CCDC192: variants seen among roughly 807,000 people sequenced by gnomAD.
CCDC192 encodes coiled-coil domain containing 192.
intron 2 of CCDC192, among the ~76,000 whole-genome samples, chr5:127,739,312 G>A (rs1356925019): frequency 9.9e-5 from 15 of 152,176 alleles, no homozygotes; most frequent in Non-Finnish European, 2.1e-4. Context: ...TGGGTGCTGG[G>A]AGAACCACTG....
chr5:127,721,795 A>C (rs1214910931), intron 2 of CCDC192, among the ~76,000 whole-genome samples: 1 of 152,206 alleles, frequency 6.6e-6, no homozygotes, highest in Non-Finnish European at 1.5e-5. Flanking sequence ...GTCATGGTAC[A>C]AGGCAAAGGA....
chr5:127,926,160 T>G (rs904708094), intron 6 of CCDC192, among the ~76,000 whole-genome samples: 3 of 152,250 alleles, frequency 2.0e-5, no homozygotes, highest in Non-Finnish European at 4.4e-5. Context: ...ATTGAAGTTC[T>G]GCCGCTGCAA....
chr5:127,786,709 T>A, intron 3 of CCDC192: 1 of 734,854 alleles, frequency 1.4e-6, no homozygotes. Context: ...TTCAGTACAC[T>A]CTTGTCCATC....
chr5:127,758,327 C>T (rs1580608635), intron 3 of CCDC192, among the ~76,000 whole-genome samples: 1 of 152,134 alleles, frequency 6.6e-6, no homozygotes, highest in East Asian at 1.9e-4. Flanking sequence ...AGGTTGTGGC[C>T]ACTTCCTCCG....
chr5:127,779,762 G>A (rs1300899107), intron 3 of CCDC192, among the ~76,000 whole-genome samples: 3 of 151,864 alleles, frequency 2.0e-5, no homozygotes, highest in African/African-American at 7.3e-5. Context: ...GGTTATTGGG[G>A]GTACAGATGG....
chr5:127,723,708 A>G (rs1412845639), intron 2 of CCDC192, among the ~76,000 whole-genome samples: 1 of 152,234 alleles, frequency 6.6e-6, no homozygotes. Flanking sequence ...GTTGGCAGAG[A>G]ATGCAGGTGG....
At chr5:127,857,645 G>A (rs538912280) in intron 5 of CCDC192, 2 of 152,318 alleles carry the variant, frequency 1.3e-5, no homozygotes, top group East Asian at 1.9e-4. Flanking sequence ...TTTGAAAGCT[G>A]TAGGGCTGGC....
chr5:127,936,277 A>G (rs1580844724), intron 6 of CCDC192, among the ~76,000 whole-genome samples: 1 of 152,196 alleles, frequency 6.6e-6, no homozygotes, highest in African/African-American at 2.4e-5. Flanking sequence ...ATTATTAGTC[A>G]TTTTTGATGT....
intron 5 of CCDC192, among the ~76,000 whole-genome samples, chr5:127,817,352 G>A (rs967061023): frequency 1.3e-5 from 2 of 152,106 alleles, no homozygotes; most frequent in African/African-American, 4.8e-5. Context: ...AATGTTCATG[G>A]CAACATTATT....
chr5:127,785,348 T>C (rs1756481165), intron 3 of CCDC192: 2 of 441,700 alleles, frequency 4.5e-6, no homozygotes, highest in African/African-American at 2.0e-5. Context: ...AATCCCAGTC[T>C]AGGGGTTCTG....
intron 2 of CCDC192, among the ~76,000 whole-genome samples, chr5:127,748,968 G>A (rs1009073018): frequency 9.9e-4 from 150 of 152,218 alleles, no homozygotes; most frequent in Middle Eastern, 3.4e-3. Context: ...TGTATCCTGA[G>A]ACTTTGCTGA....
intron 2 of CCDC192, among the ~76,000 whole-genome samples, chr5:127,722,451 CT>C (rs558286256): frequency 3.8e-4 from 58 of 152,122 alleles, no homozygotes; most frequent in African/African-American, 1.4e-3. Context: ...TATACAGAAG[CT>C]TTTTAATGTC....
intron 5 of CCDC192, among the ~76,000 whole-genome samples, chr5:127,808,988 A>C (rs2126995583): frequency 6.6e-6 from 1 of 152,314 alleles, no homozygotes; most frequent in South Asian, 2.1e-4. Flanking sequence ...AATCGTCCAA[A>C]AAAGATACTA....
chr5:127,876,836 A>G (rs1420765500), intron 6 of CCDC192, among the ~76,000 whole-genome samples: 2 of 152,196 alleles, frequency 1.3e-5, no homozygotes, highest in African/African-American at 4.8e-5. Context: ...TTCATTTTCA[A>G]TTTCGTATAG....
chr5:127,857,759 T>C (rs1282839565), intron 5 of CCDC192: 2 of 152,316 alleles, frequency 1.3e-5, no homozygotes, highest in South Asian at 2.1e-4. Flanking sequence ...CTTAGGTTGC[T>C]TTATTGAGGC....
intron 2 of CCDC192, among the ~76,000 whole-genome samples, chr5:127,732,889 C>T (rs757978679): frequency 1.3e-5 from 2 of 152,036 alleles, no homozygotes; most frequent in Non-Finnish European, 2.9e-5. Flanking sequence ...ATAGCTAATG[C>T]ATGTGGGGCT....
intron 5 of CCDC192, among the ~76,000 whole-genome samples, chr5:127,799,219 C>T (rs577923337): frequency 3.6e-4 from 55 of 152,284 alleles, no homozygotes; most frequent in African/African-American, 1.3e-3. Flanking sequence ...GTGACCATTC[C>T]TTTGGGGTTT....
Position 127,704,443 on chromosome 5 carries a change from C to A in CCDC192, c.62+936C>A, listed in dbSNP as rs1462785572. On this transcript the variant is annotated intron_variant, in intron 1 of 6. Coordinates refer to ENST00000514853, the MANE Select transcript of CCDC192 (RefSeq NM_001317938.2). ...CCTCAGGTGATCTGCCCACCTTGGC[C>A]TCCCAAAGTGCTGGGATTATAGGCA... Among the ~76,000 whole-genome samples the A allele has an allele frequency of 2.6e-5, 4 of 152,312 alleles. No homozygotes were observed. In the East Asian group the frequency reaches 7.7e-4, roughly 29 times the overall value.
Position 127,708,892 on chromosome 5 carries a change from A to T in CCDC192, c.114+1132A>T, listed in dbSNP as rs574247863. 1.8e-4 allele frequency among the ~76,000 whole-genome samples: 28 copies of T among 152,146 alleles called. No homozygotes were observed. In the East Asian group the frequency reaches 4.6e-3, roughly 25 times the overall value. On this transcript the variant is annotated intron_variant, in intron 2 of 6. Coordinates refer to ENST00000514853, the MANE Select transcript of CCDC192 (RefSeq NM_001317938.2). ...CCTACCAGTCCGTTGGAATCCCGGC[A>T]TCACTAGGTGTAGTAGTTCGTTCTC...
Sources: allele counts gnomAD v4.1 joint callset (sites outside exome capture counted in the v4.1 genomes callset), GRCh38; gene constraint gnomAD v4.1.1; transcripts MANE v1.5; gene names NCBI Gene and HGNC (gene_info 2026-07-23, HGNC 2026-07-21).